ABCC11: variants seen among roughly 807,000 people sequenced by gnomAD.
ABCC11 encodes the protein ATP-binding cassette sub-family C member 11.
ABCC11 carries 135 observed loss-of-function variants against 149.3 expected under a neutral mutation model. That is an observed-to-expected ratio of 0.90 (90% CI 0.79 to 1.04). The LOEUF is 1.04. Ranked by LOEUF, ABCC11 falls within the 50% of genes least tolerant of loss-of-function variation. The pLI, the probability that ABCC11 is intolerant of heterozygous loss-of-function variation, is 0.00. For synonymous variants in ABCC11, 665 were observed against 671.4 expected, an observed-to-expected ratio of 0.99 and a Z score of 0.15; for missense variants, 1,680 against 1,722.1, an observed-to-expected ratio of 0.98 and a Z score of 0.43.
chr16:48,197,835 C>T, intron 17 of ABCC11, 136 bp downstream of exon 17: 1 of 902,084 alleles, frequency 1.1e-6, no homozygotes. Context: ...GGTTCTGGAA[C>T]CTGTGTATGT....
At chr16:48,238,959 A>AT (rs1970824739) in intron 1 of ABCC11, among the ~76,000 whole-genome samples, 1 of 148,298 alleles carries the variant, frequency 6.7e-6, no homozygotes, top group Non-Finnish European at 1.5e-5. Flanking sequence ...AAAAAAAAAA[A>AT]CCATAAAAAC....
At chr16:48,184,419 C>T in intron 23 of ABCC11, 21 bp downstream of exon 23, 1 of 1,609,596 alleles carries the variant, frequency 6.2e-7, no homozygotes, top group Non-Finnish European at 8.5e-7. Flanking sequence ...AGAGAGGGCC[C>T]ACACAGAGTC....
intron 1 of ABCC11, chr16:48,244,355 T>A (rs1176221163): frequency 6.8e-7 from 1 of 1,478,302 alleles, no homozygotes; most frequent in Non-Finnish European, 9.0e-7. Flanking sequence ...TGTCTGGCTC[T>A]TTTTGACAGC....
At chr16:48,222,560 G>A in intron 6 of ABCC11, 38 bp downstream of exon 6, 1 of 1,572,420 alleles carries the variant, frequency 6.4e-7, no homozygotes, top group Non-Finnish European at 8.7e-7. Context: ...GGAAGGGTAG[G>A]GAAGCATGGC....
At chr16:48,224,224 C>T in intron 5 of ABCC11, 58 bp downstream of exon 5, 1 of 1,564,304 alleles carries the variant, frequency 6.4e-7, no homozygotes. Flanking sequence ...GCCCGCAGTT[C>T]CATCGCTAAA....
intron 6 of ABCC11, among the ~76,000 whole-genome samples, chr16:48,217,726 C>T (rs1280174153): frequency 6.6e-6 from 1 of 152,232 alleles, no homozygotes; most frequent in African/African-American, 2.4e-5. Flanking sequence ...TTCACCTAAA[C>T]TCCTTCCAGT....
intron 20 of ABCC11, among the ~76,000 whole-genome samples, chr16:48,189,280 C>T (rs978213029): frequency 2.0e-5 from 3 of 152,204 alleles, no homozygotes; most frequent in Non-Finnish European, 4.4e-5. Flanking sequence ...ACGTCAGCTC[C>T]ACTGTGGGTG....
At chr16:48,179,344 AT>A (rs1429028653) in intron 23 of ABCC11, among the ~76,000 whole-genome samples, 1 of 152,224 alleles carries the variant, frequency 6.6e-6, no homozygotes, top group Non-Finnish European at 1.5e-5. Flanking sequence ...ACTCTTGGGA[AT>A]TGGGGGCACC....
chr16:48,167,521 T>A lies in ABCC11; in HGVS notation c.4031A>T (p.His1344Leu). ...HRVTTVLNCD[H>L]ILVMGNGKVV... is the part of the protein sequence containing the mutation. Reference sequence around the variant, plus strand: ...CTTCCCATTGCCCATAACCAGGATGTGGTCACAGTTCAGCACAGTGGTGAC... The same window carrying A: ...CTTCCCATTGCCCATAACCAGGATGAGGTCACAGTTCAGCACAGTGGTGAC... The change falls in exon 29 of 30, where the codon CAC becomes CTC. Residue 1344 changes from histidine (H) to leucine (L), a missense_variant. By Grantham distance (99) the His-to-Leu change is moderately conservative. Coordinates refer to ENST00000356608, the MANE Select transcript of ABCC11 (RefSeq NM_001370497.1). 1.2e-6 allele frequency: 2 copies of A among 1,613,918 alleles called. No homozygotes were observed. Among genetic ancestry groups the A allele is most frequent in the Non-Finnish European group, 1.7e-6 (2 of 1,179,982 alleles).
At chr16:48,219,700 G>T (rs998464169) in intron 6 of ABCC11, among the ~76,000 whole-genome samples, 4 of 152,170 alleles carry the variant, frequency 2.6e-5, no homozygotes, top group African/African-American at 9.7e-5. Flanking sequence ...TAAAATGTAG[G>T]CTGGGAGCTG....
At chr16:48,190,731 T>C (rs1325083962) in intron 20 of ABCC11, among the ~76,000 whole-genome samples, 1 of 152,156 alleles carries the variant, frequency 6.6e-6, no homozygotes, top group African/African-American at 2.4e-5. Context: ...AGTTTCCTCA[T>C]ATGTAAAATG....
At chr16:48,222,137 C>T (rs1969786676) in intron 6 of ABCC11, among the ~76,000 whole-genome samples, 1 of 151,742 alleles carries the variant, frequency 6.6e-6, no homozygotes, top group African/African-American at 2.4e-5. Flanking sequence ...CCATGTTGCC[C>T]AGGCTAGTCT....
chr16:48,195,992 T>A (rs990728116), intron 18 of ABCC11, among the ~76,000 whole-genome samples: 2 of 152,164 alleles, frequency 1.3e-5, no homozygotes, highest in African/African-American at 2.4e-5. Context: ...TAATTTTTTT[T>A]AATTAAAAAA....
rs1374115070 is a variant in ABCC11 at position 48,216,208 on chromosome 16, G to A, written c.857C>T (p.Ala286Val). ...CYGPLVLITC[A>V]SLVICSISSY... is the part of the protein sequence containing the mutation. ...AGAAATGCTGCAGATGACCAGCGAT[G>A]CGCAGGTGATCAGTACTAGGGGTCC... Residue 286 changes from alanine to valine, a missense_variant, in exon 7 of 30, where the codon GCA becomes GTA. Physicochemically the swap from Ala to Val is moderately conservative, Grantham distance 64 (BLOSUM62 0). Coordinates refer to ENST00000356608, the MANE Select transcript of ABCC11 (RefSeq NM_001370497.1). 3 of 1,613,728 alleles carry A rather than the reference G, an allele frequency of 1.9e-6. No individual in the cohort carries two copies. The highest frequency in any genetic ancestry group is 4.5e-5 in the East Asian group (2 of 44,890).
At chr16:48,242,145 A>G (rs537832965) in intron 1 of ABCC11, among the ~76,000 whole-genome samples, 7 of 152,250 alleles carry the variant, frequency 4.6e-5, no homozygotes, top group Non-Finnish European at 7.3e-5. Flanking sequence ...CAATCTACCC[A>G]TCTGACAAAG....
intron 18 of ABCC11, 150 bp from the exon 19 acceptor site, chr16:48,194,132 G>T: frequency 1.8e-6 from 1 of 570,606 alleles, no homozygotes. Context: ...GAAGAGCTGG[G>T]TTCCAAAGTC....
intron 1 of ABCC11, among the ~76,000 whole-genome samples, chr16:48,246,333 A>G (rs1401560674): frequency 6.6e-6 from 1 of 152,160 alleles, no homozygotes; most frequent in Non-Finnish European, 1.5e-5. Context: ...TTCCCAACAT[A>G]CGACTCTGCT....
rs1969825092 is a variant in ABCC11, at chr16:48,222,701, A to G, written c.674T>C (p.Ile225Thr). ...CCTGATGGCTGTGCGTTGGTTGATG[A>G]TCCAACTGGAGGAGAAACTCAGAGA... Reference protein sequence around the residue: ...VKSLSFSSSWIINQRTAIRFR... With the variant: ...VKSLSFSSSWTINQRTAIRFR... The change falls in exon 6 of 30, where the codon ATC becomes ACC. Residue 225 changes from isoleucine to threonine, a missense_variant. By Grantham distance (89) the Ile-to-Thr change is moderately conservative. Transcript: ENST00000356608. The G allele has an allele frequency of 5.0e-6, 8 of 1,614,106 alleles. No homozygotes were observed. Among genetic ancestry groups the G allele is most frequent in the African/African-American group, 1.3e-5 (1 of 74,928 alleles).
intron 3 of ABCC11, among the ~76,000 whole-genome samples, chr16:48,228,827 G>A (rs1290851789): frequency 6.6e-6 from 1 of 151,010 alleles, no homozygotes; most frequent in Non-Finnish European, 1.5e-5. Flanking sequence ...AGATGATAAG[G>A]TATTACCTTT....
Sources: gnomAD v4.1 joint callset for allele counts (sites outside exome capture counted in the v4.1 genomes callset) on GRCh38, gnomAD v4.1.1 for gene constraint, MANE v1.5 for transcripts, NCBI Gene and HGNC (gene_info 2026-07-23, HGNC 2026-07-21) for gene names.